The following COL14A1 variants were observed in gnomAD, a reference collection of about 807,000 sequenced individuals.
COL14A1 encodes collagen type XIV alpha 1 chain.
Under a neutral mutation model 230.3 loss-of-function variants are expected in COL14A1, and 136 were observed. That is an observed-to-expected ratio of 0.59 (90% CI 0.51 to 0.68). The LOEUF (loss-of-function observed/expected upper bound fraction) is 0.68. Ranked by LOEUF, COL14A1 falls within the 30% of genes least tolerant of loss-of-function variation. The pLI is 0.00. For missense variants in COL14A1, 1,976 were observed against 2,215.8 expected (o/e 0.89, Z 2.17); for synonymous variants, 792 against 784.1 (o/e 1.01, Z -0.17).
chr8:120,346,139 A>G (rs995802742), intron 45 of COL14A1, among the ~76,000 whole-genome samples: 10 of 152,256 alleles, frequency 6.6e-5, no homozygotes, highest in African/African-American at 2.2e-4. Context: ...ATTATATCAG[A>G]CAACATTTTA....
intron 39 of COL14A1, 61 bp downstream of exon 39, chr8:120,315,647 A>G (rs1167637676): frequency 5.1e-6 from 7 of 1,370,828 alleles, no homozygotes; most frequent in Non-Finnish European, 6.2e-6. Context: ...AGGGGGAAAA[A>G]AAAGCTGTAG....
chr8:120,226,905 T>G, intron 16 of COL14A1, 139 bp downstream of exon 16: 1 of 754,060 alleles, frequency 1.3e-6, no homozygotes, highest in Non-Finnish European at 2.0e-6. Flanking sequence ...GTTTTAGAAA[T>G]GTCAAATCAT....
At chr8:120,214,395 A>G (rs1431609709) in intron 13 of COL14A1, among the ~76,000 whole-genome samples, 1 of 152,204 alleles carries the variant, frequency 6.6e-6, no homozygotes, top group African/African-American at 2.4e-5. Flanking sequence ...CACTCAGTAA[A>G]TGTTAACAAT....
intron 19 of COL14A1, among the ~76,000 whole-genome samples, chr8:120,232,377 T>G (rs762692503): frequency 2.6e-5 from 4 of 152,162 alleles, no homozygotes; most frequent in Non-Finnish European, 4.4e-5. Context: ...CATCAACCCG[T>G]CATCTACATT....
At chr8:120,240,580 T>G (rs1818580973) in intron 19 of COL14A1, among the ~76,000 whole-genome samples, 1 of 152,174 alleles carries the variant, frequency 6.6e-6, no homozygotes, top group African/African-American at 2.4e-5. Context: ...AAAGGAAATG[T>G]GTCAAGATAA....
At chr8:120,166,894 G>GTGTGTA (rs1815899240) in intron 4 of COL14A1, among the ~76,000 whole-genome samples, 1 of 148,876 alleles carries the variant, frequency 6.7e-6, no homozygotes, top group African/African-American at 2.5e-5. Context: ...GTGTGTGTGT[G>GTGTGTA]TGTGTGTGTG....
At chr8:120,129,336 A>C (rs937849576) in intron 1 of COL14A1, among the ~76,000 whole-genome samples, 3 of 152,220 alleles carry the variant, frequency 2.0e-5, no homozygotes, top group Non-Finnish European at 2.9e-5. Flanking sequence ...TACTGATTAC[A>C]GATGTACATT....
chr8:120,363,136 T>C (rs1432132321), intron 45 of COL14A1, among the ~76,000 whole-genome samples: 1 of 152,158 alleles, frequency 6.6e-6, no homozygotes, highest in Non-Finnish European at 1.5e-5. Flanking sequence ...TTGCTTATAA[T>C]GGGCAGCTGA....
chr8:120,163,519 T>G (rs557448945), intron 4 of COL14A1, among the ~76,000 whole-genome samples: 69 of 152,194 alleles, frequency 4.5e-4, no homozygotes, highest in African/African-American at 1.6e-3. Flanking sequence ...ATCCCAGCAC[T>G]TTGGGAGGCC....
rs113908576 is a variant in COL14A1 at position 120,335,224 on chromosome 8, T to C, written c.4785+2489T>C. ...CCCTGCTCACCGATCTGGCCTTTGG[T>C]GGCTCTGGATTAGACTCTAAATATA... is the stretch of plus-strand genomic sequence containing the variant. On this transcript the variant is annotated intron_variant, in intron 42 of 47. Coordinates refer to ENST00000297848, the MANE Select transcript of COL14A1 (RefSeq NM_021110.4). Among the ~76,000 whole-genome samples the C allele has an allele frequency of 7.1e-3, 1,074 of 152,270 alleles. 20 individuals are homozygous for C. Among genetic ancestry groups the C allele is most frequent in the African/African-American group, 0.024 (988 of 41,556 alleles).
intron 4 of COL14A1, 73 bp from the exon 5 acceptor site, chr8:120,168,088 T>A (rs926376398): frequency 3.8e-6 from 4 of 1,056,622 alleles, no homozygotes; most frequent in Non-Finnish European, 5.6e-6. Flanking sequence ...TTCAAGGGTT[T>A]TAGTAAAACT....
chr8:120,312,658 A>G (rs776834529), intron 37 of COL14A1, among the ~76,000 whole-genome samples: 1 of 152,138 alleles, frequency 6.6e-6, no homozygotes, highest in Admixed American at 6.6e-5. Context: ...TATATTTTCA[A>G]CTACTCCAAA....
chr8:120,191,489 T>G (rs1212121894), intron 5 of COL14A1, among the ~76,000 whole-genome samples: 1 of 150,384 alleles, frequency 6.6e-6, no homozygotes, highest in Non-Finnish European at 1.5e-5. Context: ...TTGGAATAGG[T>G]GTGGTGTGGT....
At chr8:120,187,394 T>C (rs1304079488) in intron 5 of COL14A1, among the ~76,000 whole-genome samples, 2 of 152,192 alleles carry the variant, frequency 1.3e-5, no homozygotes, top group Non-Finnish European at 2.9e-5. Context: ...GTCTATTTCC[T>C]CTCACTAAGA....
intron 1 of COL14A1, among the ~76,000 whole-genome samples, chr8:120,138,688 A>T (rs1011968322): frequency 1.3e-5 from 2 of 152,206 alleles, no homozygotes; most frequent in East Asian, 3.8e-4. Flanking sequence ...CTTTTTAAGT[A>T]GATCTCGTTA....
chr8:120,162,223 T>G (rs1815702174), intron 3 of COL14A1, among the ~76,000 whole-genome samples: 1 of 152,234 alleles, frequency 6.6e-6, no homozygotes, highest in Admixed American at 6.5e-5. Flanking sequence ...TTGTATGTAT[T>G]TTTAAATGTC....
At position 120,165,442 on chromosome 8, in the gene COL14A1, AC is replaced by A. The variant is rs140240954; in HGVS notation, c.350-2718del. 2.4e-3 allele frequency among the ~76,000 whole-genome samples: 365 copies of A among 152,338 alleles called. 2 individuals carry two copies. The highest frequency in any genetic ancestry group is 5.3e-3 in the Admixed American group (81 of 15,304). ...TAGGTATTATGATTCCAAATTTGCCACAAGCAGCTCAACCACTTCCAGCCTC... is the reference window on the plus strand; with the variant it reads ...TAGGTATTATGATTCCAAATTTGCCAAAGCAGCTCAACCACTTCCAGCCTC... On this transcript the variant is annotated intron_variant, in intron 4 of 47. Coordinates refer to ENST00000297848, the MANE Select transcript of COL14A1 (RefSeq NM_021110.4).
In COL14A1 at chr8:120,133,963, TAAAC is replaced by T. The variant is rs1346792512; in HGVS notation, c.-38+8626_-38+8629del. Among the ~76,000 whole-genome samples the T allele has an allele frequency of 2.0e-5, 3 of 152,132 alleles. No individual in the cohort carries two copies. In the South Asian group the frequency reaches 6.2e-4, roughly 32 times the overall value. On this transcript the variant is annotated intron_variant, in intron 1 of 47. Transcript: ENST00000297848. ...AATAAAATTGCTTTACTATAATTAATAAACAACTTGTTTAAAAGTGATTAAGAAA... is the reference window on the plus strand; with the variant it reads ...AATAAAATTGCTTTACTATAATTAATAACTTGTTTAAAAGTGATTAAGAAA...
intron 42 of COL14A1, among the ~76,000 whole-genome samples, chr8:120,338,711 T>C (rs576010269): frequency 1.1e-3 from 171 of 152,212 alleles, no homozygotes; most frequent in Non-Finnish European, 2.0e-3. Context: ...GCTTGGAACA[T>C]GGTAAAGCAG....
Sources: allele counts gnomAD v4.1 joint callset (sites outside exome capture counted in the v4.1 genomes callset), GRCh38; gene constraint gnomAD v4.1.1; transcripts MANE v1.5; gene names NCBI Gene and HGNC (gene_info 2026-07-23, HGNC 2026-07-21).